The following DHTKD1 variants were observed in gnomAD, a reference collection of about 807,000 sequenced individuals.
DHTKD1 encodes dehydrogenase E1 and transketolase domain containing 1.
Under a neutral mutation model 101.8 loss-of-function variants are expected in DHTKD1, and 78 were observed. The ratio of observed to expected loss-of-function variants is 0.77; its 90% CI spans 0.64 to 0.93. DHTKD1 has a LOEUF of 0.93. DHTKD1 is among the 40% of genes least tolerant of loss of function. The pLI, the probability that DHTKD1 is intolerant of heterozygous loss-of-function variation, is 0.00. For missense variants in DHTKD1, 1,223 were observed against 1,161.7 expected, an observed-to-expected ratio of 1.05 and a Z score of -0.77; for synonymous variants, 462 against 450.3, an observed-to-expected ratio of 1.03 and a Z score of -0.33.
chr10:12,072,778 C>G (rs1338145236), intron 1 of DHTKD1, among the ~76,000 whole-genome samples: 2 of 151,282 alleles, frequency 1.3e-5, no homozygotes, highest in African/African-American at 2.4e-5. Flanking sequence ...CTCTTGTTGC[C>G]GAGGCTGGAG....
At position 12,121,927 on chromosome 10, in the gene DHTKD1, G is replaced by C. The variant is rs1833533341; in HGVS notation, c.*1039G>C. ...GGAGATGACCTCAACACTGCCTCTTGATTTGTTTGATGCATGTCACTTTCA... is the reference window on the plus strand; with the variant it reads ...GGAGATGACCTCAACACTGCCTCTTCATTTGTTTGATGCATGTCACTTTCA... On this transcript the variant is annotated 3_prime_UTR_variant, in exon 17 of 17. Coordinates refer to ENST00000263035, the MANE Select transcript of DHTKD1 (RefSeq NM_018706.7). The C allele has an allele frequency of 6.6e-6, 1 of 152,120 alleles. No homozygotes were observed. The highest frequency in any genetic ancestry group is 6.6e-5 in the Admixed American group (1 of 15,254). 9.4% of individuals were successfully genotyped at this position (152,120 alleles called of 1,614,324 possible).
intron 2 of DHTKD1, among the ~76,000 whole-genome samples, chr10:12,081,868 A>C (rs1047143910): frequency 6.6e-6 from 1 of 151,822 alleles, no homozygotes; most frequent in Non-Finnish European, 1.5e-5. Context: ...GCTGACACCC[A>C]TAATCCCAGC....
intron 15 of DHTKD1, 66 bp from the exon 16 acceptor site, chr10:12,120,113 GATC>G: frequency 5.9e-6 from 7 of 1,187,082 alleles, no homozygotes; most frequent in Non-Finnish European, 8.8e-6. Flanking sequence ...TCGTAGGTGG[GATC>G]ATAGTAAATT....
intron 6 of DHTKD1, among the ~76,000 whole-genome samples, chr10:12,093,175 C>G (rs1472242591): frequency 1.3e-5 from 2 of 152,012 alleles, no homozygotes; most frequent in Admixed American, 1.3e-4. Flanking sequence ...TCCCGAGTAG[C>G]TGGGACTACA....
At position 12,107,808 on chromosome 10, in the gene DHTKD1, G is replaced by A. The variant is rs910540998; in HGVS notation, c.2048-101G>A. On this transcript the variant is annotated intron_variant, in intron 11 of 16. Coordinates refer to ENST00000263035, the MANE Select transcript of DHTKD1 (RefSeq NM_018706.7). The surrounding 1 kb of genome is among the most constrained non-coding windows in gnomAD (Gnocchi z 4.1). ...GCATGTAATGAAAGCAGTTTTGGGGGGCCAGGCAGAAAACTAACATTGATT... is the reference window on the plus strand; with the variant it reads ...GCATGTAATGAAAGCAGTTTTGGGGAGCCAGGCAGAAAACTAACATTGATT... The A allele has an allele frequency of 9.6e-6, 7 of 732,252 alleles. No individual in the cohort carries two copies. The highest frequency in any genetic ancestry group is 2.8e-4 in the Middle Eastern group (1 of 3,514). The allele number at this position is 732,252 out of a possible 1,614,324, so 45.4% of individuals were successfully genotyped here.
At chr10:12,076,768 C>T (rs1325112862) in intron 1 of DHTKD1, among the ~76,000 whole-genome samples, 1 of 151,910 alleles carries the variant, frequency 6.6e-6, no homozygotes, top group Non-Finnish European at 1.5e-5. Flanking sequence ...ACGCCATTCT[C>T]CTACCTCAGC....
At chr10:12,120,765 T>G in intron 16 of DHTKD1, 22 bp from the exon 17 acceptor site, 1 of 1,601,992 alleles carries the variant, frequency 6.2e-7, no homozygotes, top group Non-Finnish European at 8.6e-7. Context: ...GTCATTTTAT[T>G]TCTTCTCTGC....
intron 12 of DHTKD1, among the ~76,000 whole-genome samples, chr10:12,112,301 C>T (rs142455333): frequency 7.2e-5 from 11 of 152,136 alleles, no homozygotes; most frequent in African/African-American, 1.2e-4. Context: ...GGTGAGAGAA[C>T]GAGACTCTGT....
intron 7 of DHTKD1, among the ~76,000 whole-genome samples, chr10:12,096,991 C>T (rs1177179705): frequency 6.6e-6 from 1 of 152,172 alleles, no homozygotes. Flanking sequence ...CAGACAAAAA[C>T]TTATAAATTT....
intron 13 of DHTKD1, among the ~76,000 whole-genome samples, chr10:12,117,214 T>G (rs1189435353): frequency 6.6e-6 from 1 of 152,128 alleles, no homozygotes; most frequent in African/African-American, 2.4e-5. Flanking sequence ...TTCACCATGT[T>G]GGCCAGGCTG....
chr10:12,069,428 C>T (rs571502740), intron 1 of DHTKD1, among the ~76,000 whole-genome samples: 148 of 151,884 alleles, frequency 9.7e-4, no homozygotes, highest in African/African-American at 3.4e-3. Flanking sequence ...GTCTTCCCAT[C>T]TTGCTGGTCC....
chr10:12,097,867 G>A lies in DHTKD1; in HGVS notation c.1542G>A (p.Gln514=). Residue 514 remains glutamine (Q), a synonymous_variant, in exon 8 of 17, where the codon CAG becomes CAA. Transcript: ENST00000263035. ...AGGCCCACTGGCAGGGCCTGGCTCA[G>A]CCAGAAGCGCAAATCACCACCTGGA... ...NLQAHWQGLA[Q]PEAQITTWST... is the part of the protein sequence containing the mutation. The A allele has an allele frequency of 6.2e-7, 1 of 1,614,180 alleles. No homozygotes were observed. The highest frequency in any genetic ancestry group is 8.5e-7 in the Non-Finnish European group (1 of 1,180,022).
At chr10:12,080,914 A>AG (rs1422729257) in intron 1 of DHTKD1, among the ~76,000 whole-genome samples, 1 of 151,890 alleles carries the variant, frequency 6.6e-6, no homozygotes, top group Non-Finnish European at 1.5e-5. Flanking sequence ...CAAAAAAAAA[A>AG]AAATTAGCCA....
intron 10 of DHTKD1, among the ~76,000 whole-genome samples, chr10:12,105,533 A>T (rs1185135708): frequency 2.0e-5 from 3 of 151,704 alleles, no homozygotes; most frequent in Non-Finnish European, 4.4e-5. Flanking sequence ...GCCCATGTTG[A>T]TCTCAAACTC....
intron 7 of DHTKD1, among the ~76,000 whole-genome samples, chr10:12,095,988 G>T (rs1190131813): frequency 6.6e-6 from 1 of 152,056 alleles, no homozygotes; most frequent in Non-Finnish European, 1.5e-5. Context: ...CAGCCTGGGC[G>T]ACAGAGCGAG....
intron 6 of DHTKD1, 88 bp downstream of exon 6, chr10:12,091,772 AC>A: frequency 9.6e-7 from 1 of 1,036,886 alleles, no homozygotes; most frequent in East Asian, 2.7e-5. Context: ...AATGAGCCTC[AC>A]TGGTTATCCC....
intron 3 of DHTKD1, among the ~76,000 whole-genome samples, chr10:12,086,781 C>T (rs1294252073): frequency 6.6e-6 from 1 of 152,126 alleles, no homozygotes; most frequent in Non-Finnish European, 1.5e-5. Flanking sequence ...ACCTCCGCCT[C>T]CTGGACTCAA....
chr10:12,073,893 C>T (rs1832686053), intron 1 of DHTKD1, among the ~76,000 whole-genome samples: 1 of 152,182 alleles, frequency 6.6e-6, no homozygotes, highest in South Asian at 2.1e-4. Context: ...CAAATAATAA[C>T]AAATATTTCT....
Position 12,084,608 on chromosome 10 carries a change from T to C in DHTKD1, c.379T>C (p.Cys127Arg). 1 of 1,613,474 alleles carries C rather than the reference T, an allele frequency of 6.2e-7. No homozygotes were observed. The highest frequency in any genetic ancestry group is 8.5e-7 in the Non-Finnish European group (1 of 1,179,372). ...EVLVYLNQIY[C>R]GQISIETSQL... ...GTTAGTCTATCTCAATCAAATCTACTGTGGGCAGATTTCTATTGAAACCTC... is the reference window on the plus strand; with the variant it reads ...GTTAGTCTATCTCAATCAAATCTACCGTGGGCAGATTTCTATTGAAACCTC... Residue 127 changes from cysteine (C) to arginine (R), a missense_variant, in exon 3 of 17, where the codon TGT becomes CGT. Cys to Arg is a radical substitution (Grantham distance 180). Coordinates refer to ENST00000263035, the MANE Select transcript of DHTKD1 (RefSeq NM_018706.7).
Sources: gnomAD v4.1 joint callset for allele counts (sites outside exome capture counted in the v4.1 genomes callset) on GRCh38, gnomAD v4.1.1 for gene constraint, Gnocchi (gnomAD v3.1) non-coding constraint, MANE v1.5 for transcripts, NCBI Gene and HGNC (gene_info 2026-07-23, HGNC 2026-07-21) for gene names.